The following CASK variants were observed in gnomAD, a reference collection of about 807,000 sequenced individuals.
CASK encodes the protein peripheral plasma membrane protein CASK.
CASK carries 4 observed loss-of-function variants against 82.9 expected under a neutral mutation model. The observed-to-expected ratio is 0.05, with a 90% CI of 0.02 to 0.11. The LOEUF (loss-of-function observed/expected upper bound fraction) is 0.11. Among genes scored for constraint, CASK ranks in the 10% least tolerant of loss-of-function variants. The pLI, the probability that CASK is intolerant of heterozygous loss-of-function variation, is 1.00. For synonymous variants in CASK, 259 were observed against 253.5 expected, an observed-to-expected ratio of 1.02 and a Z score of -0.20; for missense variants, 358 against 720.9, an observed-to-expected ratio of 0.50 and a Z score of 5.76.
chrX:41,528,272 C>T (rs1408181716), intron 25 of CASK, among the ~76,000 whole-genome samples: 1 of 112,389 alleles, frequency 8.9e-6, no homozygotes, highest in African/African-American at 3.2e-5. Flanking sequence ...ACTATAAGAA[C>T]ATAATCTATT....
chrX:41,658,581 GA>G (rs1285652245), intron 8 of CASK, among the ~76,000 whole-genome samples: 2 of 111,756 alleles, frequency 1.8e-5, no homozygotes, highest in Admixed American at 9.5e-5. Context: ...CTTCAACAGA[GA>G]AAAAGAGGAG....
intron 1 of CASK, among the ~76,000 whole-genome samples, chrX:41,879,258 T>C (rs1235002878): frequency 9.0e-6 from 1 of 111,463 alleles, no homozygotes; most frequent in Non-Finnish European, 1.9e-5. Flanking sequence ...TCCCCTACCC[T>C]TATCCACGTG....
intron 5 of CASK, among the ~76,000 whole-genome samples, chrX:41,737,769 A>G (rs2068521851): frequency 1.8e-5 from 2 of 112,680 alleles, no homozygotes; most frequent in Non-Finnish European, 3.7e-5. Context: ...AGTTCTTAAC[A>G]TAATGCTATT....
At chrX:41,544,579 A>AC (rs1285094957) in intron 21 of CASK, among the ~76,000 whole-genome samples, 104 of 108,597 alleles carry the variant, frequency 9.6e-4, no homozygotes, top group African/African-American at 3.3e-3. Flanking sequence ...AAAAAAAAAA[A>AC]AAAAAAACAA....
chrX:41,731,856 TTG>T (rs2068402190), intron 5 of CASK, among the ~76,000 whole-genome samples: 1 of 110,579 alleles, frequency 9.0e-6, no homozygotes, highest in Non-Finnish European at 1.9e-5. Flanking sequence ...CTTCAAACTC[TTG>T]GGCTCAGGTG....
At chrX:41,794,143 CCTT>C (rs1175692083) in intron 2 of CASK, among the ~76,000 whole-genome samples, 2 of 111,918 alleles carry the variant, frequency 1.8e-5, no homozygotes, top group African/African-American at 6.5e-5. Flanking sequence ...AATCCAAGCA[CCTT>C]CTAATTTCTT....
chrX:41,774,455 C>A (rs2069310263), intron 3 of CASK, among the ~76,000 whole-genome samples: 1 of 111,538 alleles, frequency 9.0e-6, no homozygotes, highest in Admixed American at 9.5e-5. Flanking sequence ...AATGGCCATA[C>A]TGCCCAAGGT....
intron 2 of CASK, among the ~76,000 whole-genome samples, chrX:41,794,522 A>G (rs1193752311): frequency 8.9e-6 from 1 of 112,470 alleles, no homozygotes; most frequent in Non-Finnish European, 1.9e-5. Flanking sequence ...TAGAAAAACC[A>G]GACACCTATT....
chrX:41,831,098 G>A (rs1185164783), intron 2 of CASK, among the ~76,000 whole-genome samples: 1 of 110,100 alleles, frequency 9.1e-6, no homozygotes, highest in East Asian at 2.8e-4. Flanking sequence ...GCCAGGCATG[G>A]TTCTAGGTGG....
chrX:41,612,439 A>G (rs1481445662), intron 11 of CASK, among the ~76,000 whole-genome samples: 2 of 81,585 alleles, frequency 2.5e-5, no homozygotes, highest in Admixed American at 1.3e-4. Flanking sequence ...GCCCCGTCTG[A>G]GAAGTGAGGA....
intron 3 of CASK, among the ~76,000 whole-genome samples, chrX:41,774,363 A>C (rs1040853720): frequency 3.6e-5 from 4 of 111,777 alleles, no homozygotes; most frequent in Non-Finnish European, 5.6e-5. Context: ...TAAAATACTT[A>C]GGAATCCAAC....
At chrX:41,610,123 T>G in intron 11 of CASK, 98 bp from the exon 12 acceptor site, 50 of 800,180 alleles carry the variant, frequency 6.2e-5, no homozygotes, top group Non-Finnish European at 8.3e-5. Flanking sequence ...AATGAATTCA[T>G]ATCAGAACTT....
chrX:41,523,805 A>G (rs2064671163), intron 26 of CASK, 146 bp downstream of exon 26: 1 of 528,343 alleles, frequency 1.9e-6, no homozygotes, highest in African/African-American at 2.3e-5. Flanking sequence ...GCTTACTGAT[A>G]AGACTGTCCC....
At chrX:41,542,359 C>G (rs1374649781) in intron 22 of CASK, among the ~76,000 whole-genome samples, 1 of 112,806 alleles carries the variant, frequency 8.9e-6, no homozygotes. Flanking sequence ...CCAATCCCAG[C>G]CAAGGATAGA....
chrX:41,729,085 T>C (rs1429513347), intron 5 of CASK: 1 of 123,560 alleles, frequency 8.1e-6, no homozygotes, highest in Non-Finnish European at 1.9e-5. Flanking sequence ...TGGCAGTTAA[T>C]TTTTTGTGAA....
rs761830301 is a variant in CASK at position 41,755,459 on chromosome X, T to C, written c.279-9858A>G. Among the ~76,000 whole-genome samples the C allele has an allele frequency of 8.0e-5, 9 of 112,054 alleles. No individual in the cohort carries two copies. In the South Asian group the frequency reaches 2.9e-3, roughly 37 times the overall value. ...TTAACATTTGGAATTAATATAATTGTGTACACTGATAGATTAAAGATGAAA... is the reference window on the plus strand; with the variant it reads ...TTAACATTTGGAATTAATATAATTGCGTACACTGATAGATTAAAGATGAAA... On this transcript the variant is annotated intron_variant, in intron 3 of 26. Transcript: ENST00000378163.
intron 3 of CASK, among the ~76,000 whole-genome samples, chrX:41,772,835 A>C (rs1447851983): frequency 9.0e-6 from 1 of 110,970 alleles, no homozygotes; most frequent in African/African-American, 3.3e-5. Flanking sequence ...CCCTGTCTCT[A>C]CTAAAAATAC....
intron 3 of CASK, among the ~76,000 whole-genome samples, chrX:41,778,380 G>A (rs5918244): frequency 0.17 from 18,420 of 108,482 alleles, 1,450 homozygotes; most frequent in Middle Eastern, 0.31. Flanking sequence ...ACAGGCGCCC[G>A]CCACCACGCC....
At chrX:41,743,588 C>A in intron 4 of CASK, 1 of 293,928 alleles carries the variant, frequency 3.4e-6, no homozygotes, top group Non-Finnish European at 5.9e-6. Flanking sequence ...TGTGCCATAG[C>A]CATGGCTGCT....
Sources: gnomAD v4.1 joint callset for allele counts (sites outside exome capture counted in the v4.1 genomes callset) on GRCh38, gnomAD v4.1.1 for gene constraint, MANE v1.5 for transcripts, NCBI Gene and HGNC (gene_info 2026-07-23, HGNC 2026-07-21) for gene names.